The following TRIM33 variants were observed in gnomAD, a reference collection of about 807,000 sequenced individuals.
The protein encoded by TRIM33 is E3 ubiquitin-protein ligase TRIM33.
A neutral mutation model predicts 125.4 loss-of-function variants in TRIM33; 20 were observed. That is an observed-to-expected ratio of 0.16 (90% confidence interval 0.11 to 0.23). TRIM33 has a LOEUF of 0.23. Among genes scored for constraint, TRIM33 ranks in the 10% least tolerant of loss-of-function variants. The probability of loss-of-function intolerance (pLI) is 1.00; values close to 1 mark genes in which losing one functional copy is unlikely to be tolerated. For synonymous variants in TRIM33, 564 were observed against 513.9 expected, an observed-to-expected ratio of 1.10 and a Z score of -1.32; for missense variants, 920 against 1,411.4, an observed-to-expected ratio of 0.65 and a Z score of 5.58.
intron 1 of TRIM33, among the ~76,000 whole-genome samples, chr1:114,483,479 T>C (rs1010870873): frequency 2.2e-4 from 33 of 151,734 alleles, no homozygotes; most frequent in African/African-American, 7.7e-4. Context: ...TGCAGTGGCA[T>C]GATCTCACTG....
chr1:114,408,204 C>T (rs548487050), intron 13 of TRIM33, among the ~76,000 whole-genome samples: 6 of 152,230 alleles, frequency 3.9e-5, no homozygotes, highest in Admixed American at 2.6e-4. Flanking sequence ...GTAGGAGAAA[C>T]TACATTTTTA....
intron 1 of TRIM33, among the ~76,000 whole-genome samples, chr1:114,510,157 C>T (rs894513695): frequency 6.6e-6 from 1 of 152,122 alleles, no homozygotes; most frequent in Non-Finnish European, 1.5e-5. Flanking sequence ...CTGCCCTTAC[C>T]TCTTACCTAC....
intron 1 of TRIM33, among the ~76,000 whole-genome samples, chr1:114,505,609 C>G (rs1188761523): frequency 6.6e-6 from 1 of 152,216 alleles, no homozygotes; most frequent in Non-Finnish European, 1.5e-5. Context: ...ACTCTGTCCC[C>G]CAGGCTGGAG....
At chr1:114,413,948 G>A (rs1652760744) in intron 11 of TRIM33, among the ~76,000 whole-genome samples, 2 of 151,696 alleles carry the variant, frequency 1.3e-5, no homozygotes, top group South Asian at 4.2e-4. Context: ...GATCCCTTGA[G>A]CACCACTGCA....
At chr1:114,410,432 G>C in intron 11 of TRIM33, 116 bp from the exon 12 acceptor site, 3 of 1,089,158 alleles carry the variant, frequency 2.8e-6, no homozygotes, top group Non-Finnish European at 3.9e-6. Context: ...CCAATATCAA[G>C]CTGAGCCTTA....
At chr1:114,468,692 GA>G in intron 1 of TRIM33, 1 of 444,014 alleles carries the variant, frequency 2.3e-6, no homozygotes. Flanking sequence ...ATAAAAAGAA[GA>G]AAAAGAAGAA....
intron 1 of TRIM33, among the ~76,000 whole-genome samples, chr1:114,471,151 A>G (rs1650621315): frequency 6.6e-6 from 1 of 152,216 alleles, no homozygotes; most frequent in Admixed American, 6.5e-5. Context: ...CATATGAATG[A>G]TAAGAAAGCA....
At chr1:114,415,020 G>A in intron 11 of TRIM33, among the ~76,000 whole-genome samples, 1 of 104,980 alleles carries the variant, frequency 9.5e-6, no homozygotes. Context: ...TTTGAGACAG[G>A]GTCTCACTCT....
At chr1:114,418,621 G>A (rs1226455739) in intron 11 of TRIM33, among the ~76,000 whole-genome samples, 1 of 152,176 alleles carries the variant, frequency 6.6e-6, no homozygotes, top group Non-Finnish European at 1.5e-5. Context: ...AGGACTGCCA[G>A]CCATTACTCT....
intron 1 of TRIM33, among the ~76,000 whole-genome samples, chr1:114,470,257 A>G (rs1650558133): frequency 6.6e-6 from 1 of 152,222 alleles, no homozygotes; most frequent in African/African-American, 2.4e-5. Flanking sequence ...GCAACCCTGC[A>G]TTAACCAAAT....
At chr1:114,445,677 G>A (rs1255861445) in intron 4 of TRIM33, among the ~76,000 whole-genome samples, 1 of 152,066 alleles carries the variant, frequency 6.6e-6, no homozygotes, top group African/African-American at 2.4e-5. Context: ...CAAAGAAAAA[G>A]AGGAAATCTT....
chr1:114,510,751 G>A lies in TRIM33; in HGVS notation c.326C>T (p.Pro109Leu), dbSNP rs1220654700. 1.3e-6 allele frequency: 2 copies of A among 1,523,602 alleles called. No homozygotes were observed. The highest frequency in any genetic ancestry group is 1.8e-6 in the Non-Finnish European group (2 of 1,140,032). The allele number at this position is 1,523,602 out of a possible 1,614,324, so 94.4% of individuals were successfully genotyped here. A position where few individuals can be genotyped will look rare whatever the true frequency, so the allele number is the denominator to read the frequency against. Residue 109 changes from proline to leucine, a missense_variant, in exon 1 of 20, where the codon CCC (proline) becomes CTC (leucine). Physicochemically the swap from Pro to Leu is moderately conservative, Grantham distance 98. Transcript: ENST00000358465. Reference protein sequence around the residue: ...PAPASAPAPGPSAGPPPGPPA... With the variant: ...PAPASAPAPGLSAGPPPGPPA... The stretch of plus-strand genomic sequence containing the variant: ...CGGTCCAGGAGGCGGCCCTGCCGAG[G>A]GACCCGGAGCGGGAGCCGAGGCTGG...
chr1:114,442,687 C>CAAAAAAAAAAAAAAAAAAAAAAA (rs34847018), intron 4 of TRIM33, among the ~76,000 whole-genome samples: 1 of 73,870 alleles, frequency 1.4e-5, no homozygotes, highest in Non-Finnish European at 2.7e-5. Context: ...GACTCTGTCT[C>CAAAAAAAAAAAAAAAAAAAAAAA]AAAAAAAAAA....
At chr1:114,423,321 TCTTACAGTAAGATAAAA>T (rs1417901597) in intron 10 of TRIM33, among the ~76,000 whole-genome samples, 1 of 152,152 alleles carries the variant, frequency 6.6e-6, no homozygotes, top group Non-Finnish European at 1.5e-5. Context: ...AATAAAGCTA[TCTTACAGTAAGATAAAA>T]CTCTGTTGAA....
chr1:114,437,204 A>G (rs1296485340), intron 4 of TRIM33, among the ~76,000 whole-genome samples: 1 of 152,242 alleles, frequency 6.6e-6, no homozygotes, highest in South Asian at 2.1e-4. Flanking sequence ...ACCTAGGTAA[A>G]CTGAATTTTC....
At position 114,405,657 on chromosome 1, in the gene TRIM33, C is replaced by T. The variant is rs778218241; in HGVS notation, c.2521G>A (p.Glu841Lys). ...CAGCTTTCATTCATATCTGCAGGTT[C>T]AATTTTCACATGGTTTTCCAGGCTT... Reference protein sequence around the residue: ...LASLENHVKIEPADMNESCKQ... With the variant: ...LASLENHVKIKPADMNESCKQ... The change falls in exon 15 of 20, where the codon GAA (glutamate) becomes AAA (lysine). Residue 841 changes from glutamate to lysine, a missense_variant. This residue lies in a region of TRIM33 where 407 missense variants were observed against 589.7 expected (regional missense o/e 0.69). Coordinates refer to ENST00000358465, the MANE Select transcript of TRIM33 (RefSeq NM_015906.4). 1 of 1,614,130 alleles carries T rather than the reference C, an allele frequency of 6.2e-7. No individual in the cohort carries two copies. Among genetic ancestry groups the T allele is most frequent in the South Asian group, 1.1e-5 (1 of 91,080 alleles).
At chr1:114,399,292 CAATAAAT>C (rs1201567091) in intron 18 of TRIM33, among the ~76,000 whole-genome samples, 158 bp downstream of exon 18, 1 of 151,836 alleles carries the variant, frequency 6.6e-6, no homozygotes, top group Non-Finnish European at 1.5e-5. Flanking sequence ...AAATTATACA[CAATAAAT>C]TTTCTTCACT....
At chr1:114,417,722 G>A (rs958770766) in intron 11 of TRIM33, among the ~76,000 whole-genome samples, 4 of 152,070 alleles carry the variant, frequency 2.6e-5, no homozygotes, top group East Asian at 1.9e-4. Flanking sequence ...GCAATGGCGC[G>A]ATCTCGGCTC....
intron 4 of TRIM33, among the ~76,000 whole-genome samples, chr1:114,456,416 T>C (rs1210519838): frequency 6.6e-6 from 1 of 152,148 alleles, no homozygotes; most frequent in Non-Finnish European, 1.5e-5. Context: ...GTGTGGCCTA[T>C]GAAAAAAGCA....
Sources: gnomAD v4.1 joint callset for allele counts (sites outside exome capture counted in the v4.1 genomes callset) on GRCh38, gnomAD v4.1.1 for gene constraint, gnomAD v4.1.1 regional missense constraint, MANE v1.5 for transcripts, NCBI Gene and HGNC (gene_info 2026-07-23, HGNC 2026-07-21) for gene names.